REEP1: variants seen among roughly 807,000 people sequenced by gnomAD.
The protein encoded by REEP1 is receptor expression-enhancing protein 1.
In REEP1, 22 loss-of-function variants were observed where a neutral mutation model predicts 40.3. That is an observed-to-expected ratio of 0.55 (90% CI 0.39 to 0.78). The LOEUF is 0.78. Among genes scored for constraint, REEP1 ranks in the 30% least tolerant of loss-of-function variants. REEP1 has a pLI of 0.00. For synonymous variants in REEP1, 116 were observed against 139.2 expected (o/e 0.83, Z 1.17); for missense variants, 280 against 361.1 (o/e 0.78, Z 1.82).
intron 1 of REEP1, among the ~76,000 whole-genome samples, chr2:86,300,429 G>A (rs774200160): frequency 1.8e-4 from 27 of 152,160 alleles, no homozygotes; most frequent in Non-Finnish European, 3.2e-4. Context: ...AGAAACTTGA[G>A]TAATTCCTGC....
At chr2:86,260,707 C>T (rs1015202603) in intron 3 of REEP1, among the ~76,000 whole-genome samples, 3 of 152,148 alleles carry the variant, frequency 2.0e-5, no homozygotes, top group African/African-American at 7.2e-5. Context: ...GTCCTACAAT[C>T]ATAAGGAACT....
At chr2:86,278,241 T>G (rs1677873008) in intron 2 of REEP1, among the ~76,000 whole-genome samples, 1 of 152,218 alleles carries the variant, frequency 6.6e-6, no homozygotes. Flanking sequence ...ATTTTCCTCC[T>G]TTCTAAGTAT....
chr2:86,332,432 T>TG (rs1680812171), intron 1 of REEP1, among the ~76,000 whole-genome samples: 1 of 66,138 alleles, frequency 1.5e-5, no homozygotes, highest in African/African-American at 8.3e-5. Context: ...CTAACTTTCC[T>TG]GGAAACACAC....
At chr2:86,269,905 G>A (rs1404351373) in intron 2 of REEP1, among the ~76,000 whole-genome samples, 3 of 150,318 alleles carry the variant, frequency 2.0e-5, no homozygotes, top group Non-Finnish European at 4.4e-5. Flanking sequence ...CCCACAGATT[G>A]GGAGAAAATA....
At chr2:86,300,750 T>C (rs539164605) in intron 1 of REEP1, among the ~76,000 whole-genome samples, 3 of 152,278 alleles carry the variant, frequency 2.0e-5, no homozygotes, top group East Asian at 1.9e-4. Context: ...TCTATCTTGG[T>C]TCATGTAACC....
At chr2:86,268,710 A>G (rs560985816) in intron 2 of REEP1, among the ~76,000 whole-genome samples, 108 of 152,332 alleles carry the variant, frequency 7.1e-4, no homozygotes, top group African/African-American at 2.5e-3. Context: ...GACTAAAGCT[A>G]TCAGATTTCA....
chr2:86,294,815 A>C (rs1678898026), intron 1 of REEP1, among the ~76,000 whole-genome samples: 1 of 152,148 alleles, frequency 6.6e-6, no homozygotes, highest in Non-Finnish European at 1.5e-5. Context: ...CTTGGTTATA[A>C]ATAATTGTGT....
At chr2:86,226,111 C>CCACCAT (rs1553457297) in intron 7 of REEP1, among the ~76,000 whole-genome samples, 4,871 of 141,070 alleles carry the variant, frequency 0.035, 304 homozygotes, top group African/African-American at 0.12. Context: ...ACCACCACCA[C>CCACCAT]CACCATCATC....
chr2:86,228,561 C>T (rs1457832921), intron 6 of REEP1, among the ~76,000 whole-genome samples: 1 of 151,858 alleles, frequency 6.6e-6, no homozygotes, highest in Non-Finnish European at 1.5e-5. Flanking sequence ...CGGGTTCAAG[C>T]AATTCTCCAG....
chr2:86,220,174 A>G, intron 7 of REEP1, 53 bp from the exon 8 acceptor site: 1 of 1,192,742 alleles, frequency 8.4e-7, no homozygotes. Context: ...GCAAGGAAGC[A>G]TCAGTGCAGG....
At chr2:86,218,705 T>C (rs540697382) in intron 8 of REEP1, among the ~76,000 whole-genome samples, 2 of 152,172 alleles carry the variant, frequency 1.3e-5, no homozygotes, top group Non-Finnish European at 2.9e-5. Flanking sequence ...CAGGCCAGAC[T>C]CCTCCAGCAG....
At chr2:86,315,575 C>T (rs1002241100) in intron 1 of REEP1, among the ~76,000 whole-genome samples, 48 of 152,210 alleles carry the variant, frequency 3.2e-4, no homozygotes, top group African/African-American at 1.0e-3. Flanking sequence ...TGATAGAGTG[C>T]ACCTGCTGAG....
chr2:86,332,909 G>A (rs1342649727), intron 1 of REEP1, among the ~76,000 whole-genome samples: 3 of 152,252 alleles, frequency 2.0e-5, no homozygotes, highest in Non-Finnish European at 4.4e-5. Context: ...GACCTGCAAG[G>A]TGACTGTGGC....
chr2:86,297,336 G>T (rs892429592), intron 1 of REEP1, among the ~76,000 whole-genome samples: 2 of 152,238 alleles, frequency 1.3e-5, no homozygotes, highest in African/African-American at 4.8e-5. Context: ...GAGCCCAGAA[G>T]CCTCACTTGT....
Position 86,216,931 on chromosome 2 carries a change from T to A in REEP1, c.*108A>T. On this transcript the variant is annotated 3_prime_UTR_variant, in exon 9 of 9. Coordinates refer to ENST00000538924, the MANE Select transcript of REEP1 (RefSeq NM_001371279.1). ...AGAGAAAAGGCCATGTTTGTGAGGC[T>A]GCACACTCAAAGCACACCCAGCTTG... 1 of 856,436 alleles carries A rather than the reference T, an allele frequency of 1.2e-6. No individual in the cohort carries two copies. Among genetic ancestry groups the A allele is most frequent in the Non-Finnish European group, 1.9e-6 (1 of 514,388 alleles). 53.1% of individuals were successfully genotyped at this position (856,436 alleles called of 1,614,324 possible). A position where few individuals can be genotyped will look rare whatever the true frequency, so the allele number is the denominator to read the frequency against.
chr2:86,265,574 C>CAT (rs150554560), intron 2 of REEP1, among the ~76,000 whole-genome samples: 10,231 of 151,558 alleles, frequency 0.068, 517 homozygotes, highest in African/African-American at 0.13. Context: ...TATATACATA[C>CAT]ATATATATAT....
chr2:86,230,393 T>C (rs1308221524), intron 6 of REEP1, among the ~76,000 whole-genome samples: 1 of 152,152 alleles, frequency 6.6e-6, no homozygotes, highest in Non-Finnish European at 1.5e-5. Context: ...GTGCACAACC[T>C]CTCTGAGCCT....
chr2:86,250,342 G>C (rs993772512), intron 5 of REEP1, among the ~76,000 whole-genome samples: 2 of 152,196 alleles, frequency 1.3e-5, no homozygotes, highest in Admixed American at 6.5e-5. Context: ...CAGAACAGAT[G>C]GGGTAGAGAG....
chr2:86,334,335 A>C (rs941143272), intron 1 of REEP1, among the ~76,000 whole-genome samples: 3 of 152,154 alleles, frequency 2.0e-5, no homozygotes, highest in South Asian at 2.1e-4. Context: ...TCTTCCTTAC[A>C]TGTTCTTTGA....
Sources: allele counts gnomAD v4.1 joint callset (sites outside exome capture counted in the v4.1 genomes callset), GRCh38; gene constraint gnomAD v4.1.1; transcripts MANE v1.5; gene names NCBI Gene and HGNC (gene_info 2026-07-23, HGNC 2026-07-21).